Variants in HIP1 observed in about 807,000 individuals in gnomAD.
HIP1 encodes huntingtin interacting protein 1, also known as huntingtin-interacting protein 1.
In HIP1, 65 loss-of-function variants were observed where a neutral mutation model predicts 147.6. The ratio of observed to expected loss-of-function variants is 0.44; its 90% CI spans 0.36 to 0.54. HIP1 has a LOEUF of 0.54. Among genes scored for constraint, HIP1 ranks in the 20% least tolerant of loss-of-function variants. The pLI is 0.00. For synonymous variants in HIP1, 479 were observed against 504.0 expected (o/e 0.95, Z 0.67); for missense variants, 1,061 against 1,299.6 (o/e 0.82, Z 2.82).
At chr7:75,572,365 T>C (rs1795672898) in intron 8 of HIP1, among the ~76,000 whole-genome samples, 1 of 152,190 alleles carries the variant, frequency 6.6e-6, no homozygotes, top group Non-Finnish European at 1.5e-5. Flanking sequence ...GTTTTATAAT[T>C]TATATTTCTC....
chr7:75,593,970 G>A (rs190706668), intron 2 of HIP1, among the ~76,000 whole-genome samples: 8 of 151,568 alleles, frequency 5.3e-5, no homozygotes, highest in Middle Eastern at 3.4e-3. Context: ...GCAGATAGTC[G>A]TCAGTTTGCA....
intron 1 of HIP1, among the ~76,000 whole-genome samples, chr7:75,670,655 A>G (rs527267887): frequency 6.6e-6 from 1 of 151,704 alleles, no homozygotes; most frequent in East Asian, 2.0e-4. Context: ...TGTCAGTCAG[A>G]CTGGATGGAG....
intron 1 of HIP1, among the ~76,000 whole-genome samples, chr7:75,666,589 A>G (rs911902572): frequency 2.0e-5 from 3 of 152,376 alleles, no homozygotes; most frequent in African/African-American, 4.8e-5. Flanking sequence ...GTGGTCTTCT[A>G]CAGCAGCATT....
intron 1 of HIP1, among the ~76,000 whole-genome samples, chr7:75,724,846 G>C (rs183822989): frequency 6.6e-6 from 1 of 152,332 alleles, no homozygotes; most frequent in East Asian, 1.9e-4. Context: ...AGCAGCTCTA[G>C]GAAGATGCTG....
intron 2 of HIP1, among the ~76,000 whole-genome samples, chr7:75,598,077 G>A (rs1386710531): frequency 6.6e-6 from 1 of 152,166 alleles, no homozygotes; most frequent in African/African-American, 2.4e-5. Context: ...AAGGTAGAGA[G>A]CCCCTGCCTC....
intron 1 of HIP1, chr7:75,639,011 T>C (rs1276135215): frequency 1.3e-6 from 1 of 746,226 alleles, no homozygotes; most frequent in Non-Finnish European, 1.6e-6. Flanking sequence ...GCTGGGGGTG[T>C]GGGGAGGGGG....
At chr7:75,595,879 T>G (rs782248080) in intron 2 of HIP1, among the ~76,000 whole-genome samples, 3 of 152,172 alleles carry the variant, frequency 2.0e-5, no homozygotes, top group Non-Finnish European at 4.4e-5. Context: ...TAAGCAGCAT[T>G]TCTGAAGTCA....
intron 1 of HIP1, among the ~76,000 whole-genome samples, chr7:75,663,581 C>A (rs1227681101): frequency 6.6e-6 from 1 of 151,848 alleles, no homozygotes; most frequent in African/African-American, 2.4e-5. Context: ...TCACTGACCT[C>A]TGTGCAGGGA....
At chr7:75,620,748 G>A (rs1376971455) in intron 1 of HIP1, among the ~76,000 whole-genome samples, 1 of 152,012 alleles carries the variant, frequency 6.6e-6, no homozygotes, top group African/African-American at 2.4e-5. Context: ...GAACAGAGAT[G>A]ACGATCTCTG....
intron 1 of HIP1, among the ~76,000 whole-genome samples, chr7:75,707,611 T>C (rs1384770825): frequency 2.0e-5 from 3 of 151,386 alleles, no homozygotes; most frequent in African/African-American, 4.9e-5. Flanking sequence ...GTAAAGTTCA[T>C]ATGGAACCAA....
intron 1 of HIP1, chr7:75,626,476 T>C (rs2117109706): frequency 6.6e-6 from 1 of 152,332 alleles, no homozygotes. Context: ...ATGATACATG[T>C]CAAGGCATTG....
At chr7:75,565,701 C>T (rs1795375511) in intron 9 of HIP1, among the ~76,000 whole-genome samples, 1 of 151,750 alleles carries the variant, frequency 6.6e-6, no homozygotes, top group Admixed American at 6.6e-5. Context: ...ATTATCCTTC[C>T]CTTTTGCCTG....
intron 1 of HIP1, among the ~76,000 whole-genome samples, chr7:75,696,270 G>T (rs1297978227): frequency 6.6e-6 from 1 of 152,124 alleles, no homozygotes; most frequent in Non-Finnish European, 1.5e-5. Context: ...TTACAGGTGT[G>T]AGCCACCATG....
intron 1 of HIP1, among the ~76,000 whole-genome samples, chr7:75,724,459 G>C (rs1176138718): frequency 6.6e-6 from 1 of 151,800 alleles, no homozygotes; most frequent in Non-Finnish European, 1.5e-5. Flanking sequence ...TGTTGGCCAG[G>C]CTGGTCTCCA....
intron 1 of HIP1, among the ~76,000 whole-genome samples, chr7:75,666,295 A>G (rs1157966413): frequency 6.6e-6 from 1 of 151,838 alleles, no homozygotes; most frequent in Non-Finnish European, 1.5e-5. Flanking sequence ...CAGCCTCCCA[A>G]GTAGCTGGGA....
intron 4 of HIP1, among the ~76,000 whole-genome samples, chr7:75,589,319 G>A (rs782355488): frequency 7.2e-5 from 11 of 151,972 alleles, no homozygotes; most frequent in Non-Finnish European, 1.5e-4. Flanking sequence ...AGACAAATAG[G>A]TAGAAAAAAC....
chr7:75,605,936 A>G (rs1554503762), intron 1 of HIP1, among the ~76,000 whole-genome samples: 1 of 152,082 alleles, frequency 6.6e-6, no homozygotes, highest in Non-Finnish European at 1.5e-5. Flanking sequence ...TATAGCCTCA[A>G]CCTCCTGGGT....
At chr7:75,661,630 G>T (rs1554513612) in intron 1 of HIP1, among the ~76,000 whole-genome samples, 3 of 151,686 alleles carry the variant, frequency 2.0e-5, no homozygotes, top group Non-Finnish European at 4.4e-5. Context: ...GGCAGTGAGG[G>T]GCCCTGAAAG....
chr7:75,561,492 TA>T, intron 12 of HIP1, 91 bp from the exon 13 acceptor site: 1 of 854,606 alleles, frequency 1.2e-6, no homozygotes, highest in Non-Finnish European at 2.0e-6. Flanking sequence ...TAAAAGCTGG[TA>T]TTAATTTGGG....
Sources: gnomAD v4.1 joint callset for allele counts (sites outside exome capture counted in the v4.1 genomes callset) on GRCh38, gnomAD v4.1.1 for gene constraint, MANE v1.5 for transcripts, NCBI Gene and HGNC (gene_info 2026-07-23, HGNC 2026-07-21) for gene names.